ATP8B1: variants seen among roughly 807,000 people sequenced by gnomAD.
ATP8B1 encodes the protein ATPase phospholipid transporting 8B1, also known as phospholipid-transporting ATPase IC.
ATP8B1 carries 80 observed loss-of-function variants against 149.9 expected under a neutral mutation model. The observed-to-expected ratio is 0.53, with a 90% CI of 0.45 to 0.64. ATP8B1 has a LOEUF of 0.64. Among genes scored for constraint, ATP8B1 ranks in the 30% least tolerant of loss-of-function variants. The pLI is 0.00. For synonymous variants in ATP8B1, 536 were observed against 562.8 expected (o/e 0.95, Z 0.67); for missense variants, 1,247 against 1,552.6 (o/e 0.80, Z 3.31).
chr18:57,763,612 T>A (rs1599210085), intron 1 of ATP8B1, among the ~76,000 whole-genome samples: 4 of 152,060 alleles, frequency 2.6e-5, no homozygotes, highest in Admixed American at 2.6e-4. Flanking sequence ...CAATAAGTAC[T>A]CAATGTCTGG....
chr18:57,686,341 G>C (rs1346142185), intron 13 of ATP8B1, among the ~76,000 whole-genome samples: 2 of 151,900 alleles, frequency 1.3e-5, no homozygotes, highest in Non-Finnish European at 2.9e-5. Context: ...CCGATTTTTT[G>C]TTTGATTTTT....
At position 57,688,544 on chromosome 18, in the gene ATP8B1, G is replaced by A. The variant is rs112266554; in HGVS notation, c.1221-37C>T. 1.3e-4 allele frequency: 208 copies of A among 1,595,444 alleles called. No individual in the cohort carries two copies. The East Asian group carries it at 4.0e-3, about 30-fold the overall frequency. On this transcript the variant is annotated intron_variant, in intron 12 of 27. Transcript: ENST00000648908. The stretch of plus-strand genomic sequence containing the variant: ...GAAGATTATTTTCCGTAGAGAGCTC[G>A]GATACGAGTGGCAAGTAGTAGAGAT...
intron 15 of ATP8B1, among the ~76,000 whole-genome samples, chr18:57,683,254 T>C (rs891101371): frequency 3.9e-5 from 6 of 152,094 alleles, no homozygotes; most frequent in Admixed American, 1.3e-4. Flanking sequence ...AAGTGGAAGA[T>C]GTAGTGAAGT....
At position 57,695,653 on chromosome 18, in the gene ATP8B1, A is replaced by G. The variant is rs577476916; in HGVS notation, c.699-121T>C. ...GAAGCCTAAATAATTAGCTGTTTCT[A>G]TTTTCAAACTCTGTTCACCTTGGAA... On this transcript the variant is annotated intron_variant, in intron 8 of 27. Transcript: ENST00000648908. 1.5e-4 allele frequency: 119 copies of G among 800,586 alleles called. No homozygotes were observed. The Middle Eastern group carries it at 2.8e-3, about 19-fold the overall frequency. The allele number at this position is 800,586 out of a possible 1,614,324, so 49.6% of individuals were successfully genotyped here.
intron 2 of ATP8B1, among the ~76,000 whole-genome samples, chr18:57,710,904 G>C (rs1315493168): frequency 2.0e-5 from 3 of 152,146 alleles, no homozygotes; most frequent in Admixed American, 6.5e-5. Flanking sequence ...CAAAGTGCCG[G>C]GATAATGGGC....
intron 1 of ATP8B1, among the ~76,000 whole-genome samples, chr18:57,790,020 C>G (rs563919573): frequency 4.2e-4 from 64 of 152,296 alleles, no homozygotes; most frequent in African/African-American, 1.5e-3. Context: ...TAAACATGAT[C>G]AAAGCTACAT....
At chr18:57,742,688 T>C (rs925403434) in intron 1 of ATP8B1, among the ~76,000 whole-genome samples, 1 of 151,734 alleles carries the variant, frequency 6.6e-6, no homozygotes, top group Admixed American at 6.6e-5. Flanking sequence ...TTTAAAGAAT[T>C]AGCTGGGCAC....
rs1330004885 is a variant in ATP8B1, at chr18:57,704,593, C to T, written c.355G>A (p.Ala119Thr). 6.2e-7 allele frequency: 1 copy of T among 1,610,168 alleles called. No homozygotes were observed. The highest frequency in any genetic ancestry group is 2.2e-5 in the East Asian group (1 of 44,840). Reference sequence around the variant, plus strand: ...AGAGCCAGGAAATATAAATTGGCTGCTCTCTTAAACTGCTCAAACAGATTC... The same window carrying T: ...AGAGCCAGGAAATATAAATTGGCTGTTCTCTTAAACTGCTCAAACAGATTC... ...PMNLFEQFKR[A>T]ANLYFLALLI... The change falls in exon 4 of 28, where the codon GCA becomes ACA. Residue 119 changes from alanine to threonine, a missense_variant. Coordinates refer to ENST00000648908, the MANE Select transcript of ATP8B1 (RefSeq NM_001374385.1).
chr18:57,770,894 C>CG (rs1341155022), intron 1 of ATP8B1, among the ~76,000 whole-genome samples: 1 of 152,208 alleles, frequency 6.6e-6, no homozygotes, highest in Non-Finnish European at 1.5e-5. Context: ...AACAGAGTCT[C>CG]GCTCTGTCGC....
intron 27 of ATP8B1, 66 bp from the exon 28 acceptor site, chr18:57,648,778 C>T (rs1290481107): frequency 6.7e-6 from 10 of 1,493,708 alleles, no homozygotes; most frequent in African/African-American, 2.8e-5. Context: ...CCTGGCCAGA[C>T]GGTTGACAGA....
intron 2 of ATP8B1, among the ~76,000 whole-genome samples, chr18:57,718,958 T>A (rs2079610859): frequency 6.6e-6 from 1 of 152,196 alleles, no homozygotes; most frequent in African/African-American, 2.4e-5. Context: ...CTCTTAGATC[T>A]GGAACATGTC....
intron 22 of ATP8B1, among the ~76,000 whole-genome samples, chr18:57,657,221 AT>A (rs1349908366): frequency 6.6e-6 from 1 of 151,804 alleles, no homozygotes; most frequent in Non-Finnish European, 1.5e-5. Flanking sequence ...AGTCTTATTC[AT>A]GGCCCTCTGG....
chr18:57,794,159 T>G (rs2080488790), intron 1 of ATP8B1, among the ~76,000 whole-genome samples: 1 of 152,186 alleles, frequency 6.6e-6, no homozygotes, highest in South Asian at 2.1e-4. Context: ...TTTGTGTGTT[T>G]TGTTTTGTTT....
intron 1 of ATP8B1, among the ~76,000 whole-genome samples, chr18:57,771,470 T>C (rs1197007589): frequency 6.6e-6 from 1 of 152,232 alleles, no homozygotes; most frequent in Non-Finnish European, 1.5e-5. Context: ...ACTTTCTTTA[T>C]AATTACGAAA....
At chr18:57,801,631 G>A (rs748386285) in intron 1 of ATP8B1, among the ~76,000 whole-genome samples, 25 of 151,966 alleles carry the variant, frequency 1.6e-4, no homozygotes, top group Non-Finnish European at 2.8e-4. Flanking sequence ...TTTATCACGC[G>A]TGGTTTTTTT....
rs922256304 is a variant in ATP8B1, at chr18:57,803,297, C to T, written c.-325G>A. On this transcript the variant is annotated 5_prime_UTR_variant, in exon 1 of 28. Transcript: ENST00000648908. ...GCCGGACCGGCCAAACTGGTTTCTCCGCTCGGGGAGGTGCCTCTGGTTTCC... is the reference window on the plus strand; with the variant it reads ...GCCGGACCGGCCAAACTGGTTTCTCTGCTCGGGGAGGTGCCTCTGGTTTCC... 2.0e-5 allele frequency among the ~76,000 whole-genome samples: 3 copies of T among 152,216 alleles called. No individual in the cohort carries two copies. The highest frequency in any genetic ancestry group is 7.2e-5 in the African/African-American group (3 of 41,468).
intron 1 of ATP8B1, among the ~76,000 whole-genome samples, chr18:57,739,310 G>A (rs756375178): frequency 1.1e-4 from 16 of 151,970 alleles, no homozygotes; most frequent in Admixed American, 4.6e-4. Context: ...TTTCTTATTC[G>A]TTAGGTCTCA....
intron 19 of ATP8B1, chr18:57,667,748 G>T (rs1204552875): frequency 5.6e-6 from 1 of 179,292 alleles, no homozygotes; most frequent in East Asian, 1.5e-4. Flanking sequence ...CGGGGGGCGG[G>T]GGCAGAGGGA....
chr18:57,776,686 T>TAA (rs751542237), intron 1 of ATP8B1, among the ~76,000 whole-genome samples: 15 of 111,510 alleles, frequency 1.3e-4, no homozygotes, highest in African/African-American at 3.6e-4. Flanking sequence ...ACCAAGTCAC[T>TAA]AAAAAAAAAA....
Sources: allele counts gnomAD v4.1 joint callset (sites outside exome capture counted in the v4.1 genomes callset), GRCh38; gene constraint gnomAD v4.1.1; transcripts MANE v1.5; gene names NCBI Gene and HGNC (gene_info 2026-07-23, HGNC 2026-07-21).